The following DNM2 variants were observed in gnomAD, a reference collection of about 807,000 sequenced individuals.
The protein encoded by DNM2 is dynamin 2.
DNM2 carries 15 observed loss-of-function variants against 99.0 expected under a neutral mutation model. That is an observed-to-expected ratio of 0.15 (90% CI 0.10 to 0.23). The LOEUF is 0.23. DNM2 is among the 10% of genes least tolerant of loss of function. The pLI, the probability that DNM2 is intolerant of heterozygous loss-of-function variation, is 1.00. For missense variants in DNM2, 742 were observed against 1,189.4 expected (o/e 0.62, Z 5.53); for synonymous variants, 525 against 481.2 (o/e 1.09, Z -1.19).
intron 7 of DNM2, among the ~76,000 whole-genome samples, chr19:10,791,227 C>T (rs1333503250): frequency 6.6e-6 from 1 of 152,004 alleles, no homozygotes; most frequent in Non-Finnish European, 1.5e-5. Flanking sequence ...TAGCCTGATC[C>T]TCAGGCGTGC....
intron 4 of DNM2, among the ~76,000 whole-genome samples, chr19:10,776,895 C>T (rs148040430): frequency 6.6e-6 from 1 of 152,338 alleles, no homozygotes; most frequent in African/African-American, 2.4e-5. Context: ...TGAGTATTTG[C>T]CGTGTGCCAG....
At chr19:10,794,378 T>TGTGTGTGTGTGA (rs1343368439) in intron 8 of DNM2, among the ~76,000 whole-genome samples, 3 of 151,262 alleles carry the variant, frequency 2.0e-5, no homozygotes, top group Admixed American at 2.0e-4. Flanking sequence ...TGTGTGTGTG[T>TGTGTGTGTGTGA]GATTTGCTTG....
At chr19:10,727,439 C>G (rs1441091331) in intron 1 of DNM2, among the ~76,000 whole-genome samples, 1 of 151,914 alleles carries the variant, frequency 6.6e-6, no homozygotes, top group African/African-American at 2.4e-5. Flanking sequence ...GATCACAGCT[C>G]ACAGCAACCT....
At chr19:10,748,589 T>A (rs1008310077) in intron 1 of DNM2, among the ~76,000 whole-genome samples, 4 of 152,186 alleles carry the variant, frequency 2.6e-5, no homozygotes, top group African/African-American at 9.7e-5. Flanking sequence ...GGGTCCCCAC[T>A]TCTGCTCCAA....
At chr19:10,726,863 AAAAC>A (rs892148872) in intron 1 of DNM2, among the ~76,000 whole-genome samples, 42 of 152,188 alleles carry the variant, frequency 2.8e-4, no homozygotes, top group African/African-American at 8.7e-4. Flanking sequence ...ACTCTGTCTC[AAAAC>A]AAACAAACAA....
chr19:10,731,144 G>A (rs1412071263), intron 1 of DNM2, among the ~76,000 whole-genome samples: 2 of 152,068 alleles, frequency 1.3e-5, no homozygotes, highest in Non-Finnish European at 2.9e-5. Flanking sequence ...GCCCTGGCAC[G>A]ACCAGGCCAG....
At position 10,817,816 on chromosome 19, in the gene DNM2, T is replaced by C. The variant is rs553444006; in HGVS notation, c.1672-2164T>C. Among the ~76,000 whole-genome samples the C allele has an allele frequency of 6.4e-4, 88 of 138,032 alleles. No individual in the cohort carries two copies. The highest frequency in any genetic ancestry group is 1.7e-3 in the Admixed American group (24 of 13,972). 90.6% of individuals were successfully genotyped at this position (138,032 alleles called of 152,430 possible). ...GCACACACACGTGTGTGTGTGTGTGTGCGCGCGCGCGCACGCGTGCGTGCC... is the reference window on the plus strand; with the variant it reads ...GCACACACACGTGTGTGTGTGTGTGCGCGCGCGCGCGCACGCGTGCGTGCC... On this transcript the variant is annotated intron_variant, in intron 15 of 20. Transcript: ENST00000389253. The surrounding 1 kb of genome is among the most constrained non-coding windows in gnomAD (Gnocchi z 4.6).
chr19:10,736,751 TC>T (rs2069542853), intron 1 of DNM2, among the ~76,000 whole-genome samples: 3 of 152,124 alleles, frequency 2.0e-5, no homozygotes, highest in African/African-American at 7.2e-5. Flanking sequence ...TGTCACTACT[TC>T]CCCAGGACCA....
intron 5 of DNM2, 70 bp downstream of exon 5, chr19:10,777,286 C>T (rs2071186569): frequency 1.4e-6 from 2 of 1,426,148 alleles, no homozygotes; most frequent in African/African-American, 1.4e-5. Context: ...AACCCCAGCA[C>T]CTGTTCCCTG....
At chr19:10,784,246 T>A (rs873015) in intron 6 of DNM2, among the ~76,000 whole-genome samples, 1 of 151,778 alleles carries the variant, frequency 6.6e-6, no homozygotes, top group Admixed American at 6.6e-5. Flanking sequence ...ATAATTCTAA[T>A]GGGGGAGACT....
At chr19:10,803,486 C>T (rs1369790291) in intron 12 of DNM2, among the ~76,000 whole-genome samples, 3 of 152,220 alleles carry the variant, frequency 2.0e-5, no homozygotes, top group Non-Finnish European at 4.4e-5. Context: ...TGTGGGCTCA[C>T]AGCGCTGGTC....
At chr19:10,720,529 C>T (rs1031908714) in intron 1 of DNM2, among the ~76,000 whole-genome samples, 1 of 151,890 alleles carries the variant, frequency 6.6e-6, no homozygotes, top group Non-Finnish European at 1.5e-5. Context: ...GTTCCAAGAC[C>T]AGCCTGGGTA....
intron 1 of DNM2, among the ~76,000 whole-genome samples, chr19:10,732,372 G>A (rs1320376736): frequency 1.3e-5 from 2 of 149,334 alleles, no homozygotes; most frequent in Non-Finnish European, 3.0e-5. Context: ...AGGCCGAGGC[G>A]GGCGGATCAC....
chr19:10,807,304 G>A (rs1446130241), intron 13 of DNM2, among the ~76,000 whole-genome samples: 4 of 151,818 alleles, frequency 2.6e-5, no homozygotes, highest in Non-Finnish European at 5.9e-5. Flanking sequence ...GCAGTGGCAC[G>A]ATTTCAGCTC....
intron 5 of DNM2, chr19:10,781,294 G>T (rs997442719): frequency 1.3e-5 from 2 of 152,234 alleles, no homozygotes; most frequent in African/African-American, 4.8e-5. Flanking sequence ...TGGCTTCACA[G>T]GGATCTAGGT....
chr19:10,773,065 C>T (rs148230773), intron 3 of DNM2, among the ~76,000 whole-genome samples: 9,103 of 150,632 alleles, frequency 0.06, 293 homozygotes, highest in South Asian at 0.098. Flanking sequence ...CTGCAACCTC[C>T]ACCTCCCAGG....
chr19:10,831,238 G>A lies in DNM2; in HGVS notation c.*191G>A. ...GCTGGACACCGCACTGCGCAAAGGG[G>A]CCCTGGAGCTCCAGGCAGGGGGCGC... On this transcript the variant is annotated 3_prime_UTR_variant, in exon 21 of 21. Transcript: ENST00000389253. This position sits in a 1 kb window ranked among gnomAD's most constrained non-coding sequence, Gnocchi z 4.3. 7.5e-7 allele frequency: 1 copy of A among 1,333,460 alleles called. No homozygotes were observed. The highest frequency in any genetic ancestry group is 9.6e-7 in the Non-Finnish European group (1 of 1,046,330). 82.6% of individuals were successfully genotyped at this position (1,333,460 alleles called of 1,614,324 possible). A position where few individuals can be genotyped will look rare whatever the true frequency, so the allele number is the denominator to read the frequency against.
chr19:10,786,513 C>T, intron 6 of DNM2, 51 bp from the exon 7 acceptor site: 1 of 1,612,380 alleles, frequency 6.2e-7, no homozygotes, highest in Non-Finnish European at 8.5e-7. Flanking sequence ...CTGCCACTCC[C>T]TGGTATCCTG....
intron 1 of DNM2, among the ~76,000 whole-genome samples, chr19:10,750,085 A>T (rs951296328): frequency 9.2e-5 from 14 of 152,134 alleles, no homozygotes; most frequent in Non-Finnish European, 1.8e-4. Context: ...TGGAGGCAGG[A>T]TCTTCATTTT....
Sources: allele counts gnomAD v4.1 joint callset (sites outside exome capture counted in the v4.1 genomes callset), GRCh38; gene constraint gnomAD v4.1.1; non-coding constraint Gnocchi (gnomAD v3.1); transcripts MANE v1.5; gene names NCBI Gene and HGNC (gene_info 2026-07-23, HGNC 2026-07-21).